GLRA2: variants seen among roughly 807,000 people sequenced by gnomAD.
GLRA2 encodes glycine receptor subunit alpha-2.
In GLRA2, 11 loss-of-function variants were observed where a neutral mutation model predicts 31.6. The ratio of observed to expected loss-of-function variants is 0.35; its 90% CI spans 0.22 to 0.58. GLRA2 has a LOEUF of 0.58. GLRA2 is among the 20% of genes least tolerant of loss of function. The pLI is 0.84. For synonymous variants in GLRA2, 132 were observed against 134.0 expected, an observed-to-expected ratio of 0.99 and a Z score of 0.10; for missense variants, 212 against 351.8, an observed-to-expected ratio of 0.60 and a Z score of 3.18.
intron 8 of GLRA2, among the ~76,000 whole-genome samples, chrX:14,721,242 G>A (rs977346466): frequency 9.0e-6 from 1 of 110,631 alleles, no homozygotes; most frequent in African/African-American, 3.3e-5. Flanking sequence ...GGAGGATTAC[G>A]TTTTAGAGAT....
At chrX:14,597,596 T>C (rs1007977551) in intron 4 of GLRA2, among the ~76,000 whole-genome samples, 2 of 111,120 alleles carry the variant, frequency 1.8e-5, no homozygotes, top group Non-Finnish European at 3.8e-5. Context: ...ATGAGGATTC[T>C]GGGTGTCTGA....
the GLRA2 span, among the ~76,000 whole-genome samples, chrX:14,462,413 G>T: frequency 3.6e-5 from 4 of 111,730 alleles, no homozygotes; most frequent in African/African-American, 1.3e-4. Context: ...GGTTGGGGAA[G>T]TTCTCCTGGA....
Position 14,532,259 on chromosome X carries a change from A to G in GLRA2, c.89A>G (p.His30Arg). The G allele has an allele frequency of 8.5e-7, 1 of 1,183,103 alleles. No homozygotes were observed. The highest frequency in any genetic ancestry group is 1.1e-6 in the Non-Finnish European group (1 of 877,338). ...NHFRTAFCKD[H>R]DSRSGKQPSQ... ...TTTAGGACGGCTTTCTGCAAAGACC[A>G]TGACTCCAGGTCTGGAAAACAACCT... The change falls in exon 2 of 9, where the codon CAT becomes CGT. Residue 30 changes from histidine to arginine, a missense_variant. His to Arg is a conservative substitution (Grantham distance 29). Coordinates refer to ENST00000218075, the MANE Select transcript of GLRA2 (RefSeq NM_002063.4).
At chrX:14,500,558 T>C in the GLRA2 span, among the ~76,000 whole-genome samples, 1 of 112,196 alleles carries the variant, frequency 8.9e-6, no homozygotes, top group Non-Finnish European at 1.9e-5. Flanking sequence ...TGGGTTGAGG[T>C]AGGGACAGGT....
chrX:14,580,590 C>A (rs779766291), intron 3 of GLRA2, among the ~76,000 whole-genome samples: 1 of 111,920 alleles, frequency 8.9e-6, no homozygotes, highest in Non-Finnish European at 1.9e-5. Flanking sequence ...AGTGTAGATA[C>A]AACACATTCA....
the GLRA2 span, among the ~76,000 whole-genome samples, chrX:14,518,827 A>G: frequency 2.8e-5 from 3 of 105,506 alleles, no homozygotes; most frequent in African/African-American, 1.0e-4. Flanking sequence ...TGGCTAACAC[A>G]GTGAAACCCC....
intron 8 of GLRA2, among the ~76,000 whole-genome samples, chrX:14,691,322 T>TGC (rs1404399390): frequency 4.9e-5 from 4 of 81,971 alleles, no homozygotes; most frequent in Non-Finnish European, 9.1e-5. Context: ...TGTGTGTGTG[T>TGC]GTGCGCGCGT....
chrX:14,521,361 T>TTCTC, the GLRA2 span, among the ~76,000 whole-genome samples: 1 of 110,262 alleles, frequency 9.1e-6, no homozygotes, highest in African/African-American at 3.3e-5. Context: ...GCAACTTCAT[T>TTCTC]TCTCTCTCTC....
In GLRA2 at chrX:14,642,595, A is replaced by T. The variant is rs192300942; in HGVS notation, c.930+33390A>T. The stretch of plus-strand genomic sequence containing the variant: ...GTGCAATGATTTGCATCTGGTCATG[A>T]TTTTTTTTTTTTTACAATACATCAT... On this transcript the variant is annotated intron_variant, in intron 7 of 8. Transcript: ENST00000218075. 7.7e-3 allele frequency among the ~76,000 whole-genome samples: 800 copies of T among 103,508 alleles called. 8 individuals carry two copies. Among genetic ancestry groups the T allele is most frequent in the African/African-American group, 0.026 (760 of 28,764 alleles). 89.9% of individuals were successfully genotyped at this position (103,508 alleles called of 115,157 possible).
chrX:14,649,804 C>T (rs1033335783), intron 7 of GLRA2, among the ~76,000 whole-genome samples: 2 of 111,789 alleles, frequency 1.8e-5, no homozygotes, highest in Non-Finnish European at 3.8e-5. Flanking sequence ...ATTTTTACTG[C>T]TTACTCTAAA....
rs906887322 is a variant in GLRA2, at chrX:14,688,678, G to A, written c.931-2032G>A. Among the ~76,000 whole-genome samples the A allele has an allele frequency of 6.3e-5, 7 of 110,829 alleles. No individual in the cohort carries two copies. The East Asian group carries it at 8.6e-4, about 14-fold the overall frequency. Reference sequence around the variant, plus strand: ...TGCAGTATTAGGGTGGGAGTGACCCGATTTTCCAGGTGCCATCTGTCACCC... The same window carrying A: ...TGCAGTATTAGGGTGGGAGTGACCCAATTTTCCAGGTGCCATCTGTCACCC... On this transcript the variant is annotated intron_variant, in intron 7 of 8. Transcript: ENST00000218075.
intron 4 of GLRA2, among the ~76,000 whole-genome samples, chrX:14,595,541 T>C (rs770014548): frequency 1.8e-5 from 2 of 112,000 alleles, no homozygotes; most frequent in Non-Finnish European, 3.8e-5. Flanking sequence ...AAAAATTTCA[T>C]TCCTTGCCTG....
chrX:14,591,157 G>A (rs893559767), intron 4 of GLRA2, among the ~76,000 whole-genome samples: 1 of 111,793 alleles, frequency 8.9e-6, no homozygotes, highest in African/African-American at 3.2e-5. Flanking sequence ...AACAGAGTAA[G>A]GATCTTGTAT....
the GLRA2 span, among the ~76,000 whole-genome samples, chrX:14,476,967 A>G: frequency 8.9e-6 from 1 of 111,793 alleles, no homozygotes; most frequent in Non-Finnish European, 1.9e-5. Context: ...CTATTACTCT[A>G]GTTTAGAACA....
the GLRA2 span, among the ~76,000 whole-genome samples, chrX:14,516,433 A>G: frequency 9.0e-6 from 1 of 111,553 alleles, no homozygotes; most frequent in Non-Finnish European, 1.9e-5. Flanking sequence ...AGGTTTTTCA[A>G]TCTATTTAAT....
the GLRA2 span, among the ~76,000 whole-genome samples, chrX:14,478,802 A>G: frequency 2.1e-3 from 236 of 112,205 alleles, 1 homozygote; most frequent in African/African-American, 7.3e-3. Context: ...TCCTCACCAC[A>G]ATTTCAATTC....
chrX:14,543,405 T>A (rs183562509), intron 2 of GLRA2, among the ~76,000 whole-genome samples: 6 of 111,076 alleles, frequency 5.4e-5, no homozygotes, highest in Admixed American at 3.8e-4. Flanking sequence ...TCTTCCTAGA[T>A]AATGTTTCCT....
At chrX:14,512,057 A>C in the GLRA2 span, among the ~76,000 whole-genome samples, 1 of 111,837 alleles carries the variant, frequency 8.9e-6, no homozygotes, top group South Asian at 3.7e-4. Context: ...TTTGAAAAGC[A>C]CTGTTGATGG....
At chrX:14,462,196 A>T in the GLRA2 span, among the ~76,000 whole-genome samples, 3 of 111,984 alleles carry the variant, frequency 2.7e-5, no homozygotes, top group African/African-American at 9.7e-5. Context: ...TCTGGCTTGT[A>T]GGGTTTCTGC....
Sources: gnomAD v4.1 joint callset for allele counts (sites outside exome capture counted in the v4.1 genomes callset) on GRCh38, gnomAD v4.1.1 for gene constraint, MANE v1.5 for transcripts, NCBI Gene and HGNC (gene_info 2026-07-23, HGNC 2026-07-21) for gene names.